COL16A1: variants seen among roughly 807,000 people sequenced by gnomAD.
COL16A1 encodes the protein collagen type XVI alpha 1 chain, also known as collagen alpha-1(XVI) chain.
COL16A1 carries 189 observed loss-of-function variants against 266.3 expected under a neutral mutation model. That is an observed-to-expected ratio of 0.71 (90% CI 0.63 to 0.80). The LOEUF (loss-of-function observed/expected upper bound fraction) is 0.80, where lower values mean the gene tolerates loss of function less well. Among genes scored for constraint, COL16A1 ranks in the 30% least tolerant of loss-of-function variants. The pLI is 0.00. For missense variants in COL16A1, 1,928 were observed against 2,122.4 expected, an observed-to-expected ratio of 0.91 and a Z score of 1.80; for synonymous variants, 740 against 782.3, an observed-to-expected ratio of 0.95 and a Z score of 0.90.
intron 55 of COL16A1, 137 bp downstream of exon 55, chr1:31,665,446 C>T: frequency 2.0e-6 from 3 of 1,528,124 alleles, no homozygotes; most frequent in Non-Finnish European, 2.7e-6. Flanking sequence ...GGAATCAGGC[C>T]TGGCCACCCA....
intron 1 of COL16A1, among the ~76,000 whole-genome samples, chr1:31,703,088 G>A (rs1438633011): frequency 6.6e-6 from 1 of 152,118 alleles, no homozygotes; most frequent in African/African-American, 2.4e-5. Flanking sequence ...ACACATATGT[G>A]GTACCAGTGT....
chr1:31,700,164 G>C (rs1644672831), intron 2 of COL16A1, 49 bp from the exon 3 acceptor site: 2 of 1,581,532 alleles, frequency 1.3e-6, no homozygotes, highest in Admixed American at 1.7e-5. Flanking sequence ...GGCCAAGGTT[G>C]CTGCACGGCT....
intron 51 of COL16A1, among the ~76,000 whole-genome samples, 179 bp downstream of exon 51, chr1:31,667,986 A>G (rs766957677): frequency 1.6e-4 from 24 of 152,166 alleles, no homozygotes; most frequent in Admixed American, 7.9e-4. Flanking sequence ...ACCAATCCAC[A>G]CTGCCAAGGG....
In COL16A1 at chr1:31,702,323, C is replaced by G; in HGVS notation, c.-34-96G>C. Reference sequence around the variant, plus strand: ...GTGGACAGCCTGTGGGGCCCAGGCACTGGTATTGGGGTGGCAGGAGGTCTG... The same window carrying G: ...GTGGACAGCCTGTGGGGCCCAGGCAGTGGTATTGGGGTGGCAGGAGGTCTG... On this transcript the variant is annotated intron_variant, in intron 1 of 70. Coordinates refer to ENST00000373672, the MANE Select transcript of COL16A1 (RefSeq NM_001856.4). 4 of 1,301,694 alleles carry G rather than the reference C, an allele frequency of 3.1e-6. No homozygotes were observed. In the Admixed American group the frequency reaches 8.0e-5, roughly 26 times the overall value. The allele number at this position is 1,301,694 out of a possible 1,614,324, so 80.6% of individuals were successfully genotyped here. A position where few individuals can be genotyped will look rare whatever the true frequency, so the allele number is the denominator to read the frequency against.
At chr1:31,669,121 G>C (rs1322032896) in intron 49 of COL16A1, among the ~76,000 whole-genome samples, 1 of 152,114 alleles carries the variant, frequency 6.6e-6, no homozygotes, top group East Asian at 1.9e-4. Context: ...CAGCAGAGGT[G>C]ACTCTGGGAG....
intron 39 of COL16A1, 126 bp from the exon 40 acceptor site, chr1:31,680,227 CTAATGTGCCCT>C: frequency 7.1e-7 from 1 of 1,401,510 alleles, no homozygotes; most frequent in Non-Finnish European, 9.6e-7. Context: ...TCTGCCTCTT[CTAATGTGCCCT>C]TAGGCAACCT....
rs975645015 is a variant in COL16A1 at position 31,679,803 on chromosome 1, C to T, written c.2718+1G>A. On this transcript the variant is annotated splice_donor_variant, in intron 41 of 70. Coordinates refer to ENST00000373672, the MANE Select transcript of COL16A1 (RefSeq NM_001856.4). LOFTEE classifies it high-confidence loss of function. ...CGGACAAGAGGAGACAAGCGACACA[C>T]CTGCGGGCCCGGCTGCCAGGAGCTG... 6 of 1,562,156 alleles carry T rather than the reference C, an allele frequency of 3.8e-6. No individual in the cohort carries two copies. In the African/African-American group the frequency reaches 4.1e-5, roughly 11 times the overall value.
At position 31,674,865 on chromosome 1, in the gene COL16A1, T is replaced by C; in HGVS notation, c.2859+142A>G. 3 of 1,379,032 alleles carry C rather than the reference T, an allele frequency of 2.2e-6. No homozygotes were observed. The South Asian group carries it at 4.2e-5, about 19-fold the overall frequency. 85.4% of individuals were successfully genotyped at this position (1,379,032 alleles called of 1,614,324 possible). On this transcript the variant is annotated intron_variant, in intron 44 of 70. Transcript: ENST00000373672. The stretch of plus-strand genomic sequence containing the variant: ...TACAAGCCAGGCATCAGCTAGGCCC[T>C]CTTAGACAGATGCTTGGAATGCGTA...
intron 44 of COL16A1, among the ~76,000 whole-genome samples, chr1:31,674,666 T>C (rs181285528): frequency 1.3e-5 from 2 of 152,340 alleles, no homozygotes; most frequent in East Asian, 3.9e-4. Context: ...CCCCTCTGCT[T>C]TGCTTTGGAA....
chr1:31,656,395 C>T lies in COL16A1; in HGVS notation c.4101+5G>A. On this transcript the variant is annotated splice_donor_5th_base_variant and intron_variant, in intron 66 of 70. Coordinates refer to ENST00000373672, the MANE Select transcript of COL16A1 (RefSeq NM_001856.4). This position sits in a 1 kb window ranked among gnomAD's most constrained non-coding sequence, Gnocchi z 4.2. ...TCCTCTCAAGCCCAGCCAGTGCCCACTCACCTTGGGACCAGGAGGTCCATA... is the reference window on the plus strand; with the variant it reads ...TCCTCTCAAGCCCAGCCAGTGCCCATTCACCTTGGGACCAGGAGGTCCATA... The T allele has an allele frequency of 6.2e-7, 1 of 1,613,598 alleles. No homozygotes were observed. The highest frequency in any genetic ancestry group is 8.5e-7 in the Non-Finnish European group (1 of 1,179,832).
intron 44 of COL16A1, 107 bp from the exon 45 acceptor site, chr1:31,672,947 G>T (rs745416162): frequency 9.7e-7 from 1 of 1,035,458 alleles, no homozygotes; most frequent in Admixed American, 2.0e-5. Context: ...CTGCCCTGCC[G>T]TCTTCCCTCC....
At chr1:31,655,154 C>G (rs1160231443) in intron 67 of COL16A1, among the ~76,000 whole-genome samples, 160 bp downstream of exon 67, 1 of 151,916 alleles carries the variant, frequency 6.6e-6, no homozygotes, top group African/African-American at 2.4e-5. Context: ...GGAGAGGGTC[C>G]TATCATCCCC....
At position 31,702,077 on chromosome 1, in the gene COL16A1, C is replaced by G. The variant is rs372122181; in HGVS notation, c.73+44G>C. On this transcript the variant is annotated intron_variant, in intron 2 of 70. Transcript: ENST00000373672. ...CAAGGACCCCAGCACCCCAGGATAC[C>G]AGTTGCAGGCCTGTGATACTGTGAC... 3.8e-4 allele frequency: 619 copies of G among 1,613,408 alleles called. 1 individual carries two copies. The highest frequency in any genetic ancestry group is 4.9e-4 in the Non-Finnish European group (574 of 1,179,602).
intron 52 of COL16A1, 54 bp downstream of exon 52, chr1:31,667,521 A>C: frequency 1.4e-6 from 2 of 1,473,534 alleles, no homozygotes; most frequent in Non-Finnish European, 1.9e-6. Context: ...CCAGCCCGAG[A>C]CTGTGTGGCT....
At chr1:31,703,382 A>G (rs2148844287) in intron 1 of COL16A1, among the ~76,000 whole-genome samples, 1 of 152,060 alleles carries the variant, frequency 6.6e-6, no homozygotes, top group Admixed American at 6.5e-5. Context: ...TCTCCCTGGG[A>G]CAGAACTGTG....
chr1:31,699,818 G>A lies in COL16A1; in HGVS notation c.261C>T (p.Pro87=). ...LRLGAAPVTQ[P]TRRVFPRGLP... is the part of the protein sequence containing the mutation. ...GGTCACATGGATGCATTTACCGCGT[G>A]GGCTGGGTCACGGGGGCCGCCCCCA... Residue 87 remains proline (P), a synonymous_variant, in exon 4 of 71, where the codon CCC becomes CCT. Transcript: ENST00000373672. 11 of 1,598,440 alleles carry A rather than the reference G, an allele frequency of 6.9e-6. No homozygotes were observed. Among genetic ancestry groups the A allele is most frequent in the Non-Finnish European group, 9.4e-6 (11 of 1,166,260 alleles).
intron 52 of COL16A1, among the ~76,000 whole-genome samples, chr1:31,666,742 C>T (rs968090988): frequency 6.6e-6 from 1 of 152,142 alleles, no homozygotes; most frequent in African/African-American, 2.4e-5. Context: ...TGCTAGTCAG[C>T]TCTCAGCTCA....
At chr1:31,695,616 A>T in intron 10 of COL16A1, 145 bp downstream of exon 10, 1 of 828,298 alleles carries the variant, frequency 1.2e-6, no homozygotes, top group Non-Finnish European at 2.0e-6. Flanking sequence ...GGCAGTGGAC[A>T]GACAGGGCCC....
intron 29 of COL16A1, 113 bp from the exon 30 acceptor site, chr1:31,684,969 T>C (rs1643899312): frequency 6.3e-7 from 1 of 1,584,804 alleles, no homozygotes; most frequent in South Asian, 1.1e-5. Flanking sequence ...AATCTCTGCT[T>C]TCGTGCTAGT....
Sources: gnomAD v4.1 joint callset for allele counts (sites outside exome capture counted in the v4.1 genomes callset) on GRCh38, gnomAD v4.1.1 for gene constraint, Gnocchi (gnomAD v3.1) non-coding constraint, MANE v1.5 for transcripts, NCBI Gene and HGNC (gene_info 2026-07-23, HGNC 2026-07-21) for gene names.